The following FUT9 variants were observed in gnomAD, a reference collection of about 807,000 sequenced individuals.
FUT9 encodes the protein 4-galactosyl-N-acetylglucosaminide 3-alpha-L-fucosyltransferase 9.
Under a neutral mutation model 29.7 loss-of-function variants are expected in FUT9, and 15 were observed. The ratio of observed to expected loss-of-function variants is 0.51; its 90% CI spans 0.34 to 0.78. The LOEUF is 0.78. Among genes scored for constraint, FUT9 ranks in the 30% least tolerant of loss-of-function variants. The probability of loss-of-function intolerance (pLI) is 0.01; values close to 1 mark genes in which losing one functional copy is unlikely to be tolerated. For missense variants in FUT9, 319 were observed against 425.4 expected (o/e 0.75, Z 2.20); for synonymous variants, 169 against 153.7 (o/e 1.10, Z -0.74).
At chr6:96,188,647 G>A (rs1374638625) in intron 2 of FUT9, among the ~76,000 whole-genome samples, 4 of 150,002 alleles carry the variant, frequency 2.7e-5, no homozygotes, top group African/African-American at 9.9e-5. Context: ...ATATATATGT[G>A]TGTGTGTGTG....
intron 2 of FUT9, among the ~76,000 whole-genome samples, chr6:96,185,201 C>T (rs1005500912): frequency 6.6e-6 from 1 of 151,632 alleles, no homozygotes; most frequent in Admixed American, 6.6e-5. Flanking sequence ...CTCAAGCCAT[C>T]GTGTTTGTTT....
chr6:96,085,298 C>G lies in FUT9; in HGVS notation c.-97-28741C>G, dbSNP rs553098313. Among the ~76,000 whole-genome samples, 15 of 152,268 alleles carry G rather than the reference C, an allele frequency of 9.9e-5. No homozygotes were observed. The South Asian group carries it at 3.1e-3, about 32-fold the overall frequency. On this transcript the variant is annotated intron_variant, in intron 1 of 2. Transcript: ENST00000302103. ...TTCAGGAGGCTAAGAATTTCTAGAT[C>G]AAGATGCCAGCAGAGTTGATGTCTA...
chr6:96,186,005 C>G (rs1773399853), intron 2 of FUT9, among the ~76,000 whole-genome samples: 1 of 152,064 alleles, frequency 6.6e-6, no homozygotes, highest in Non-Finnish European at 1.5e-5. Flanking sequence ...ATTTCTCTTT[C>G]TTGGATATTT....
intron 1 of FUT9, among the ~76,000 whole-genome samples, chr6:96,112,211 T>C (rs1294800108): frequency 2.0e-5 from 3 of 152,296 alleles, no homozygotes; most frequent in African/African-American, 7.2e-5. Context: ...ATGTACCAGT[T>C]ATCTGAGTTA....
chr6:96,193,951 G>A (rs763088632), intron 2 of FUT9, among the ~76,000 whole-genome samples: 88 of 152,160 alleles, frequency 5.8e-4, no homozygotes, highest in Non-Finnish European at 3.8e-4. Context: ...ACTATCGCAA[G>A]GGCGAAAAAC....
chr6:96,158,172 TG>T (rs1265570150), intron 2 of FUT9, among the ~76,000 whole-genome samples: 1 of 152,108 alleles, frequency 6.6e-6, no homozygotes, highest in Non-Finnish European at 1.5e-5. Flanking sequence ...GTGTCATTTT[TG>T]TAGATAAATA....
intron 1 of FUT9, among the ~76,000 whole-genome samples, chr6:96,094,403 G>A (rs1238686867): frequency 6.6e-6 from 1 of 151,976 alleles, no homozygotes; most frequent in Admixed American, 6.6e-5. Context: ...ATTTGGATAT[G>A]GCAAAGAGAA....
At chr6:96,114,816 A>G (rs1771880551) in intron 2 of FUT9, among the ~76,000 whole-genome samples, 1 of 152,172 alleles carries the variant, frequency 6.6e-6, no homozygotes, top group Non-Finnish European at 1.5e-5. Context: ...TGTCAATGAG[A>G]AAGAAATAAA....
At chr6:96,111,864 T>C (rs1283978483) in intron 1 of FUT9, among the ~76,000 whole-genome samples, 2 of 152,180 alleles carry the variant, frequency 1.3e-5, no homozygotes. Context: ...TTCTCTAGTT[T>C]TTATTTAGTG....
chr6:96,197,070 A>C (rs933400550), intron 2 of FUT9, among the ~76,000 whole-genome samples: 2 of 152,156 alleles, frequency 1.3e-5, no homozygotes, highest in Admixed American at 6.5e-5. Flanking sequence ...TCAGACAGAA[A>C]CTTTGTTTCT....
intron 2 of FUT9, among the ~76,000 whole-genome samples, chr6:96,187,210 TAGAGGACC>T (rs1358542540): frequency 6.6e-6 from 1 of 152,026 alleles, no homozygotes; most frequent in East Asian, 1.9e-4. Flanking sequence ...CATTAGCAGA[TAGAGGACC>T]AGAAATTAAG....
intron 2 of FUT9, among the ~76,000 whole-genome samples, chr6:96,129,196 C>T (rs369994829): frequency 1.5e-3 from 213 of 146,112 alleles, no homozygotes; most frequent in Middle Eastern, 7.5e-3. Context: ...ACCTGGGAGG[C>T]GGAGCTTGCA....
chr6:96,165,354 C>T (rs1049830718), intron 2 of FUT9, among the ~76,000 whole-genome samples: 4 of 151,754 alleles, frequency 2.6e-5, no homozygotes, highest in Non-Finnish European at 5.9e-5. Context: ...TTGCTTGAAC[C>T]AGGGAGGTGG....
chr6:96,124,601 A>G lies in FUT9; in HGVS notation c.-9+10474A>G, dbSNP rs553381416. ...TATATTCCATTCTAGAATGGCTTCT[A>G]GTCTCCTCCCAGAAGTCTGACCCTG... is the stretch of plus-strand genomic sequence containing the variant. On this transcript the variant is annotated intron_variant, in intron 2 of 2. Coordinates refer to ENST00000302103, the MANE Select transcript of FUT9 (RefSeq NM_006581.4). Among the ~76,000 whole-genome samples the G allele has an allele frequency of 3.6e-4, 54 of 151,852 alleles. 1 individual carries two copies. The South Asian group carries it at 0.011, about 30-fold the overall frequency.
rs1407066510 is a variant in FUT9, at chr6:96,163,597, C to CT, written c.-8-39543dup. 9.9e-5 allele frequency among the ~76,000 whole-genome samples: 15 copies of CT among 151,970 alleles called. No homozygotes were observed. In the South Asian group the frequency reaches 1.5e-3, roughly 15 times the overall value. Reference sequence around the variant, plus strand: ...GTTTCTGTACCTCACCGCCGATTTCCTTTTTTTTGTCTATAAATTAGTTCT... The same window carrying CT: ...GTTTCTGTACCTCACCGCCGATTTCCTTTTTTTTTGTCTATAAATTAGTTCT... On this transcript the variant is annotated intron_variant, in intron 2 of 2. Coordinates refer to ENST00000302103, the MANE Select transcript of FUT9 (RefSeq NM_006581.4).
intron 1 of FUT9, among the ~76,000 whole-genome samples, chr6:96,108,864 C>G (rs937326431): frequency 6.6e-6 from 1 of 152,158 alleles, no homozygotes; most frequent in African/African-American, 2.4e-5. Flanking sequence ...TGTACACACA[C>G]AGTTCATTTC....
chr6:96,037,495 T>G (rs918380447), intron 1 of FUT9: 2 of 152,006 alleles, frequency 1.3e-5, no homozygotes, highest in African/African-American at 4.8e-5. Context: ...CATAAGAATA[T>G]TTGGCCTGGA....
chr6:96,151,997 T>C (rs1276347142), intron 2 of FUT9, among the ~76,000 whole-genome samples: 2 of 152,186 alleles, frequency 1.3e-5, no homozygotes, highest in African/African-American at 2.4e-5. Flanking sequence ...GATGCATCTA[T>C]TCACAGGTCC....
intron 1 of FUT9, among the ~76,000 whole-genome samples, chr6:96,085,103 C>G (rs960794009): frequency 6.6e-6 from 1 of 151,966 alleles, no homozygotes; most frequent in Non-Finnish European, 1.5e-5. Context: ...TTTAAAAATA[C>G]AGTACAGCAA....
Sources: allele counts gnomAD v4.1 joint callset (sites outside exome capture counted in the v4.1 genomes callset), GRCh38; gene constraint gnomAD v4.1.1; transcripts MANE v1.5; gene names NCBI Gene and HGNC (gene_info 2026-07-23, HGNC 2026-07-21).